LRP1B: variants seen among roughly 807,000 people sequenced by gnomAD.
LRP1B encodes low-density lipoprotein receptor-related protein 1B.
LRP1B carries 217 observed loss-of-function variants against 556.6 expected under a neutral mutation model. The ratio of observed to expected loss-of-function variants is 0.39; its 90% CI spans 0.35 to 0.44. LRP1B has a LOEUF of 0.44. Ranked by LOEUF, LRP1B falls within the 20% of genes least tolerant of loss-of-function variation. The pLI is 1.00. For synonymous variants in LRP1B, 2,047 were observed against 1,865.8 expected (o/e 1.10, Z -2.50); for missense variants, 5,053 against 5,620.8 (o/e 0.90, Z 3.23).
Position 140,356,419 on chromosome 2 carries a change from C to A in LRP1B, c.11453G>T (p.Cys3818Phe), listed in dbSNP as rs2105130223. Residue 3818 changes from cysteine (C) to phenylalanine (F), a missense_variant, in exon 75 of 91, where the codon TGT becomes TTT. Physicochemically the swap from Cys to Phe is radical, Grantham distance 205. Coordinates refer to ENST00000389484, the MANE Select transcript of LRP1B (RefSeq NM_018557.3). The stretch of plus-strand genomic sequence containing the variant: ...GAAAACAGATGTTTTTATTTGATTA[C>A]AATATGCATCATCTCCACATGGATT... Reference protein sequence around the residue: ...NVNPCGDDAYCNQIKTSVFCR... With the variant: ...NVNPCGDDAYFNQIKTSVFCR... The A allele has an allele frequency of 6.2e-7, 1 of 1,608,416 alleles. No individual in the cohort carries two copies.
rs567754816 is a variant in LRP1B, at chr2:140,370,311, T to A, written c.11008+399A>T. Reference sequence around the variant, plus strand: ...AATGTAAGCAATTGAGTATGCCATATGTTGTTCCTATGCTTTCAGAGTAAG... The same window carrying A: ...AATGTAAGCAATTGAGTATGCCATAAGTTGTTCCTATGCTTTCAGAGTAAG... On this transcript the variant is annotated intron_variant, in intron 71 of 90. Transcript: ENST00000389484. Among the ~76,000 whole-genome samples, 13 of 152,154 alleles carry A rather than the reference T, an allele frequency of 8.5e-5. No homozygotes were observed. The East Asian group carries it at 2.3e-3, about 27-fold the overall frequency.
chr2:140,610,048 G>GT (rs11422184), intron 41 of LRP1B, among the ~76,000 whole-genome samples: 39,617 of 146,340 alleles, frequency 0.27, 5,329 homozygotes, highest in East Asian at 0.3. Context: ...ACTCAGGTTT[G>GT]TTTTTTTTTT....
At chr2:141,103,535 T>TCTCTCTCTCTCTCTC (rs1553460368) in intron 7 of LRP1B, among the ~76,000 whole-genome samples, 1 of 151,880 alleles carries the variant, frequency 6.6e-6, no homozygotes, top group African/African-American at 2.4e-5. Context: ...TCTCTCTCTC[T>TCTCTCTCTCTCTCTC]TAAAAAGTTC....
chr2:141,918,699 A>C (rs925389078), intron 1 of LRP1B, among the ~76,000 whole-genome samples: 9 of 152,116 alleles, frequency 5.9e-5, no homozygotes, highest in Non-Finnish European at 1.3e-4. Flanking sequence ...CCTCCTAATA[A>C]AAGGGAAAGA....
At chr2:140,357,301 A>G (rs1038683874) in intron 74 of LRP1B, among the ~76,000 whole-genome samples, 9 of 151,664 alleles carry the variant, frequency 5.9e-5, no homozygotes, top group Non-Finnish European at 1.2e-4. Context: ...GAATGATACC[A>G]TGGTTTAGAC....
chr2:140,618,825 G>T (rs1020804026), intron 41 of LRP1B, among the ~76,000 whole-genome samples: 2 of 152,028 alleles, frequency 1.3e-5, no homozygotes, highest in East Asian at 1.9e-4. Flanking sequence ...TTGAGTCAGA[G>T]TTGGGGGCAA....
chr2:142,027,225 A>G (rs935539216), intron 1 of LRP1B, among the ~76,000 whole-genome samples: 6 of 151,896 alleles, frequency 4.0e-5, no homozygotes, highest in African/African-American at 1.4e-4. Context: ...TCCCCAAATT[A>G]AAAAAACAAA....
At chr2:141,405,353 T>TC (rs1421518621) in intron 3 of LRP1B, among the ~76,000 whole-genome samples, 1 of 152,162 alleles carries the variant, frequency 6.6e-6, no homozygotes, top group East Asian at 1.9e-4. Flanking sequence ...CAGATATTAA[T>TC]CAGATATTAA....
chr2:141,807,920 G>A (rs995089303), intron 2 of LRP1B, among the ~76,000 whole-genome samples: 2 of 152,046 alleles, frequency 1.3e-5, no homozygotes, highest in African/African-American at 4.8e-5. Flanking sequence ...TAGAGACATG[G>A]AGTGGACATA....
At chr2:140,809,233 C>T (rs186731274) in intron 32 of LRP1B, among the ~76,000 whole-genome samples, 17 of 151,804 alleles carry the variant, frequency 1.1e-4, no homozygotes, top group Admixed American at 2.0e-4. Context: ...GGTTAGTTTG[C>T]ATGGTATTTT....
chr2:140,598,768 T>G lies in LRP1B; in HGVS notation c.7057A>C (p.Asn2353His). ...TCTGTACTGACCACCACTTGAGCAT[T>G]TTTCCCAGTCAGAGTAGATCTCATG... ...SIMRSTLTGK[N>H]AQVVVSTDIL... is the part of the protein sequence containing the mutation. The change falls in exon 43 of 91, where the codon AAT becomes CAT. Residue 2353 changes from asparagine (N) to histidine (H), a missense_variant. Asn to His is a moderately conservative substitution (Grantham distance 68). Coordinates refer to ENST00000389484, the MANE Select transcript of LRP1B (RefSeq NM_018557.3). 6.2e-7 allele frequency: 1 copy of G among 1,612,858 alleles called. No individual in the cohort carries two copies.
At chr2:141,694,427 T>C (rs1377209707) in intron 2 of LRP1B, among the ~76,000 whole-genome samples, 1 of 152,056 alleles carries the variant, frequency 6.6e-6, no homozygotes, top group Non-Finnish European at 1.5e-5. Flanking sequence ...GTGCATAATG[T>C]GCCAAGCTCT....
In LRP1B at chr2:140,778,680, G is replaced by A. The variant is rs1689584309; in HGVS notation, c.5360-2442C>T. ...ATAAAAATTTAATGATATGCTCTTT[G>A]CTATTCACCTTTAAGAAACTAACAG... On this transcript the variant is annotated intron_variant, in intron 32 of 90. Transcript: ENST00000389484. Among the ~76,000 whole-genome samples, 3 of 152,130 alleles carry A rather than the reference G, an allele frequency of 2.0e-5. No homozygotes were observed. In the South Asian group the frequency reaches 6.2e-4, roughly 32 times the overall value.
At chr2:140,884,763 A>T (rs557323399) in intron 24 of LRP1B, among the ~76,000 whole-genome samples, 2 of 152,216 alleles carry the variant, frequency 1.3e-5, no homozygotes, top group Admixed American at 1.3e-4. Context: ...CCCAGGCTGG[A>T]ATGCAATGGT....
chr2:140,434,912 G>GT (rs1686107056), intron 66 of LRP1B, among the ~76,000 whole-genome samples: 4 of 152,044 alleles, frequency 2.6e-5, no homozygotes, highest in African/African-American at 9.7e-5. Flanking sequence ...TAAGTGTAAG[G>GT]TTTTTTTAAG....
intron 55 of LRP1B, among the ~76,000 whole-genome samples, chr2:140,496,932 TATTA>T (rs1026804177): frequency 7.0e-6 from 1 of 143,562 alleles, no homozygotes; most frequent in South Asian, 2.2e-4. Context: ...TTTATTTATT[TATTA>T]TCAGATAAAA....
At chr2:141,167,827 T>G (rs1680334233) in intron 7 of LRP1B, among the ~76,000 whole-genome samples, 1 of 152,002 alleles carries the variant, frequency 6.6e-6, no homozygotes, top group South Asian at 2.1e-4. Flanking sequence ...GATAGAACTA[T>G]TATGAAGTGA....
chr2:140,490,591 T>C (rs1276927440), intron 57 of LRP1B, among the ~76,000 whole-genome samples: 2 of 152,146 alleles, frequency 1.3e-5, no homozygotes, highest in African/African-American at 4.8e-5. Flanking sequence ...AGATAATTGC[T>C]TCTATGTTCT....
intron 41 of LRP1B, among the ~76,000 whole-genome samples, chr2:140,687,800 T>A (rs1686102854): frequency 3.3e-5 from 5 of 152,104 alleles, no homozygotes; most frequent in African/African-American, 9.7e-5. Context: ...TTTCAAACAA[T>A]AACAGGAAAC....
Sources: allele counts gnomAD v4.1 joint callset (sites outside exome capture counted in the v4.1 genomes callset), GRCh38; gene constraint gnomAD v4.1.1; transcripts MANE v1.5; gene names NCBI Gene and HGNC (gene_info 2026-07-23, HGNC 2026-07-21).